CELF4: variants seen among roughly 807,000 people sequenced by gnomAD.
CELF4 encodes CUG-BP- and ETR-3-like factor 4.
CELF4 carries 18 observed loss-of-function variants against 59.9 expected under a neutral mutation model. The observed-to-expected ratio is 0.30, with a 90% CI of 0.21 to 0.45. The LOEUF (loss-of-function observed/expected upper bound fraction) is 0.45. Ranked by LOEUF, CELF4 falls within the 20% of genes least tolerant of loss-of-function variation. The pLI is 1.00. For missense variants in CELF4, 456 were observed against 689.0 expected (o/e 0.66, Z 3.79); for synonymous variants, 261 against 267.1 (o/e 0.98, Z 0.22).
chr18:37,255,664 G>T (rs932199962), intron 11 of CELF4, among the ~76,000 whole-genome samples: 11 of 152,080 alleles, frequency 7.2e-5, no homozygotes, highest in Non-Finnish European at 1.6e-4. Context: ...TAGTAAACCA[G>T]AGCAGTTTTC....
At chr18:37,348,776 T>G (rs1166403049) in intron 2 of CELF4, among the ~76,000 whole-genome samples, 2 of 152,132 alleles carry the variant, frequency 1.3e-5, no homozygotes, top group Non-Finnish European at 2.9e-5. Context: ...CTCCTTTTCT[T>G]CCAGGAGCTT....
chr18:37,401,969 C>T (rs1296774686), intron 2 of CELF4, among the ~76,000 whole-genome samples: 1 of 152,188 alleles, frequency 6.6e-6, no homozygotes, highest in Non-Finnish European at 1.5e-5. Flanking sequence ...TGGTTATAGC[C>T]CACTGTCTCC....
At chr18:37,507,270 C>T (rs779340348) in intron 1 of CELF4, among the ~76,000 whole-genome samples, 4 of 152,224 alleles carry the variant, frequency 2.6e-5, no homozygotes, top group Non-Finnish European at 5.9e-5. Context: ...GGAGGCCCCT[C>T]CCCTTCTCTT....
intron 1 of CELF4, among the ~76,000 whole-genome samples, chr18:37,546,928 C>T (rs1349480817): frequency 3.3e-5 from 5 of 152,162 alleles, no homozygotes; most frequent in Admixed American, 6.5e-5. Context: ...CCTCATCTCT[C>T]CTGTCCAGCA....
chr18:37,281,279 G>C (rs974803290), intron 3 of CELF4, among the ~76,000 whole-genome samples: 4 of 152,192 alleles, frequency 2.6e-5, no homozygotes, highest in African/African-American at 9.7e-5. Context: ...CACTTGACTC[G>C]CCAAATGCCA....
chr18:37,262,166 C>G (rs1284256662), intron 10 of CELF4, among the ~76,000 whole-genome samples: 1 of 152,212 alleles, frequency 6.6e-6, no homozygotes, highest in South Asian at 2.1e-4. Flanking sequence ...CCCACAGAAG[C>G]CTTCCTGACA....
chr18:37,498,720 C>T (rs1423619539), intron 1 of CELF4, among the ~76,000 whole-genome samples: 4 of 152,098 alleles, frequency 2.6e-5, no homozygotes, highest in African/African-American at 9.7e-5. Context: ...CATCCAACCC[C>T]TGTGGCCTGA....
At chr18:37,496,415 C>A (rs1171217197) in intron 1 of CELF4, among the ~76,000 whole-genome samples, 1 of 152,204 alleles carries the variant, frequency 6.6e-6, no homozygotes, top group Non-Finnish European at 1.5e-5. Context: ...AGGGTCTGGT[C>A]ACATGGTGGC....
At chr18:37,362,688 C>T (rs2098724209) in intron 2 of CELF4, among the ~76,000 whole-genome samples, 1 of 144,866 alleles carries the variant, frequency 6.9e-6, no homozygotes, top group South Asian at 2.2e-4. Context: ...CTGCCCTGCC[C>T]GCGCTGAACT....
intron 3 of CELF4, among the ~76,000 whole-genome samples, chr18:37,320,263 G>A (rs552387470): frequency 2.8e-4 from 42 of 148,878 alleles, no homozygotes; most frequent in African/African-American, 1.0e-3. Context: ...GTGAACCCGG[G>A]AGGCGGAGCT....
chr18:37,377,436 C>T (rs2098983941), intron 2 of CELF4, among the ~76,000 whole-genome samples: 1 of 152,318 alleles, frequency 6.6e-6, no homozygotes, highest in African/African-American at 2.4e-5. Flanking sequence ...TCCAACCAGA[C>T]CAGTCTGTGG....
chr18:37,325,778 G>A (rs1246510824), intron 2 of CELF4, among the ~76,000 whole-genome samples: 3 of 152,226 alleles, frequency 2.0e-5, no homozygotes, highest in Admixed American at 1.3e-4. Context: ...AAAGGAGAAC[G>A]GAATTGGTTC....
intron 1 of CELF4, among the ~76,000 whole-genome samples, chr18:37,514,932 T>A (rs1022793841): frequency 3.3e-5 from 5 of 152,192 alleles, no homozygotes; most frequent in East Asian, 3.8e-4. Context: ...AAGGAACTTT[T>A]AAAAATGTAT....
Position 37,254,000 on chromosome 18 carries a change from G to T in CELF4, c.1334-62C>A. The T allele has an allele frequency of 3.4e-6, 5 of 1,468,416 alleles. No homozygotes were observed. Among genetic ancestry groups the T allele is most frequent in the Non-Finnish European group, 3.7e-6 (4 of 1,090,206 alleles). 91.0% of individuals were successfully genotyped at this position (1,468,416 alleles called of 1,614,324 possible). A position where few individuals can be genotyped will look rare whatever the true frequency, so the allele number is the denominator to read the frequency against. Reference sequence around the variant, plus strand: ...CGGGGCCGCCCGGGGCGCTGCCGGCGGGGAGGGGTCGGGGGACAGGGGGGC... The same window carrying T: ...CGGGGCCGCCCGGGGCGCTGCCGGCTGGGAGGGGTCGGGGGACAGGGGGGC... On this transcript the variant is annotated intron_variant, in intron 11 of 12. Coordinates refer to ENST00000420428, the MANE Select transcript of CELF4 (RefSeq NM_020180.4). This position sits in a 1 kb window ranked among gnomAD's most constrained non-coding sequence, Gnocchi z 4.5.
chr18:37,438,343 G>C (rs1448673039), intron 2 of CELF4, among the ~76,000 whole-genome samples: 1 of 152,168 alleles, frequency 6.6e-6, no homozygotes, highest in Non-Finnish European at 1.5e-5. Context: ...ATCCATGGTG[G>C]GGCAAGGGGC....
intron 2 of CELF4, among the ~76,000 whole-genome samples, chr18:37,328,750 A>G (rs1351658879): frequency 6.6e-6 from 1 of 152,086 alleles, no homozygotes; most frequent in Non-Finnish European, 1.5e-5. Context: ...CTCAGGTTTT[A>G]TGCTCTGCCC....
At chr18:37,551,852 T>C (rs2099983294) in intron 1 of CELF4, among the ~76,000 whole-genome samples, 1 of 152,226 alleles carries the variant, frequency 6.6e-6, no homozygotes, top group African/African-American at 2.4e-5. Flanking sequence ...CACCCACCCA[T>C]GACTGATTCT....
chr18:37,387,091 G>A (rs1199404088), intron 2 of CELF4, among the ~76,000 whole-genome samples: 1 of 152,204 alleles, frequency 6.6e-6, no homozygotes, highest in Non-Finnish European at 1.5e-5. Context: ...GAGGATGTGG[G>A]GCTTTTGCTT....
intron 2 of CELF4, among the ~76,000 whole-genome samples, chr18:37,447,519 C>A (rs2099751359): frequency 6.6e-6 from 1 of 152,220 alleles, no homozygotes; most frequent in Admixed American, 6.5e-5. Flanking sequence ...TCTCCTGCAG[C>A]TGGAGGGAGC....
Sources: allele counts gnomAD v4.1 joint callset (sites outside exome capture counted in the v4.1 genomes callset), GRCh38; gene constraint gnomAD v4.1.1; non-coding constraint Gnocchi (gnomAD v3.1); transcripts MANE v1.5; gene names NCBI Gene and HGNC (gene_info 2026-07-23, HGNC 2026-07-21).